Variants in EEPD1 observed in about 807,000 individuals in gnomAD.
EEPD1 encodes endonuclease/exonuclease/phosphatase family domain-containing protein 1.
EEPD1 carries 17 observed loss-of-function variants against 46.3 expected under a neutral mutation model. The ratio of observed to expected loss-of-function variants is 0.37; its 90% confidence interval spans 0.25 to 0.55. EEPD1 has a LOEUF of 0.55. EEPD1 is among the 20% of genes least tolerant of loss of function. The pLI is 0.83. For missense variants in EEPD1, 673 were observed against 745.6 expected (o/e 0.90, Z 1.13); for synonymous variants, 313 against 315.6 (o/e 0.99, Z 0.09).
At chr7:36,211,650 C>T (rs1270964688) in intron 2 of EEPD1, among the ~76,000 whole-genome samples, 1 of 152,126 alleles carries the variant, frequency 6.6e-6, no homozygotes, top group Non-Finnish European at 1.5e-5. Flanking sequence ...TGTGGCTGGG[C>T]GTGGTGGCTC....
intron 2 of EEPD1, among the ~76,000 whole-genome samples, chr7:36,210,680 C>A (rs1321834654): frequency 6.6e-6 from 1 of 150,436 alleles, no homozygotes; most frequent in Admixed American, 6.6e-5. Context: ...CCTTCCCTCT[C>A]CTCCTAGAAA....
At chr7:36,273,073 G>T (rs1296783536) in intron 3 of EEPD1, among the ~76,000 whole-genome samples, 8 of 152,006 alleles carry the variant, frequency 5.3e-5, no homozygotes, top group Admixed American at 5.2e-4. Flanking sequence ...CCTCAGCAGG[G>T]TGGTGACTGT....
At chr7:36,197,772 A>AGGT (rs1785634811) in intron 2 of EEPD1, among the ~76,000 whole-genome samples, 5 of 151,802 alleles carry the variant, frequency 3.3e-5, no homozygotes, top group Middle Eastern at 3.4e-3. Flanking sequence ...GGACACAAAC[A>AGGT]CTCTGCCTAG....
intron 3 of EEPD1, among the ~76,000 whole-genome samples, chr7:36,263,172 A>G (rs9655369): frequency 0.096 from 14,612 of 152,066 alleles, 1,006 homozygotes; most frequent in East Asian, 0.37. Flanking sequence ...TTTATACAAA[A>G]TATACAAAAA....
chr7:36,292,601 G>A (rs1355504688), intron 6 of EEPD1, among the ~76,000 whole-genome samples: 1 of 151,922 alleles, frequency 6.6e-6, no homozygotes, highest in Non-Finnish European at 1.5e-5. Flanking sequence ...TCTGTCTCCC[G>A]GGTTCAAGCG....
chr7:36,274,746 G>A (rs1204664777), intron 3 of EEPD1, among the ~76,000 whole-genome samples: 2 of 152,092 alleles, frequency 1.3e-5, no homozygotes, highest in East Asian at 3.9e-4. Flanking sequence ...CTCAGTTGCA[G>A]CCCCCGTGTG....
chr7:36,197,214 G>A (rs1179151164), intron 2 of EEPD1, among the ~76,000 whole-genome samples: 9 of 150,534 alleles, frequency 6.0e-5, no homozygotes, highest in Admixed American at 1.3e-4. Flanking sequence ...GTCTCCGCCC[G>A]GCAGCCACCC....
In EEPD1 at chr7:36,275,464, TG is replaced by T. The variant is rs547334735; in HGVS notation, c.931-5650del. ...ATTATTATTTTTATTTATTTATTTT[TG>T]AGACAGAATATCACTCTGTCACCCA... On this transcript the variant is annotated intron_variant, in intron 3 of 7. Coordinates refer to ENST00000242108, the MANE Select transcript of EEPD1 (RefSeq NM_030636.3). 4.3e-4 allele frequency among the ~76,000 whole-genome samples: 65 copies of T among 152,260 alleles called. 1 individual carries two copies. The highest frequency in any genetic ancestry group is 1.3e-3 in the African/African-American group (56 of 41,540).
chr7:36,155,987 G>C (rs73688713), intron 2 of EEPD1, among the ~76,000 whole-genome samples: 2,351 of 152,296 alleles, frequency 0.015, 71 homozygotes, highest in African/African-American at 0.054. Flanking sequence ...AGTAACTCCT[G>C]CTGTTAGTAA....
intron 2 of EEPD1, among the ~76,000 whole-genome samples, chr7:36,223,287 G>GGGCT (rs1434728257): frequency 6.6e-6 from 1 of 152,146 alleles, no homozygotes; most frequent in Non-Finnish European, 1.5e-5. Flanking sequence ...TGGTGTGCAA[G>GGGCT]GGCTCTTGGG....
intron 2 of EEPD1, among the ~76,000 whole-genome samples, chr7:36,220,322 G>T (rs1008048087): frequency 2.0e-5 from 3 of 152,156 alleles, no homozygotes; most frequent in African/African-American, 7.2e-5. Flanking sequence ...AACTTAAGGG[G>T]GAAGGGAAAG....
intron 6 of EEPD1, among the ~76,000 whole-genome samples, chr7:36,296,247 G>T (rs1427372990): frequency 6.6e-6 from 1 of 152,030 alleles, no homozygotes; most frequent in Non-Finnish European, 1.5e-5. Context: ...CCCTCAAGCA[G>T]ACAGAGTACA....
intron 2 of EEPD1, among the ~76,000 whole-genome samples, chr7:36,211,527 A>T (rs1053906565): frequency 6.6e-6 from 1 of 152,204 alleles, no homozygotes; most frequent in African/African-American, 2.4e-5. Flanking sequence ...AAGAAAATAT[A>T]TGAGGGTATC....
At chr7:36,249,485 T>C (rs555385689) in intron 3 of EEPD1, among the ~76,000 whole-genome samples, 2 of 151,988 alleles carry the variant, frequency 1.3e-5, no homozygotes, top group Non-Finnish European at 2.9e-5. Flanking sequence ...TTTATAACTA[T>C]GAATAAGTGG....
In EEPD1 at chr7:36,165,411, C is replaced by CTTTTTT. The variant is rs56236165; in HGVS notation, c.878+10232_878+10237dup. ...ATGAAATCGCCTAATGATCCATTTC[C>CTTTTTT]TTTTTTTTTTTTTTTTTTTTTTTTT... On this transcript the variant is annotated intron_variant, in intron 2 of 7. Coordinates refer to ENST00000242108, the MANE Select transcript of EEPD1 (RefSeq NM_030636.3). Among the ~76,000 whole-genome samples, 315 of 62,100 alleles carry CTTTTTT rather than the reference C, an allele frequency of 5.1e-3. 64 individuals are homozygous for CTTTTTT. The highest frequency in any genetic ancestry group is 0.02 in the African/African-American group (276 of 14,096). The allele number at this position is 62,100 out of a possible 152,430, so 40.7% of individuals were successfully genotyped here. A position where few individuals can be genotyped will look rare whatever the true frequency, so the allele number is the denominator to read the frequency against.
chr7:36,240,658 G>T (rs1395391100), intron 3 of EEPD1, among the ~76,000 whole-genome samples: 3 of 152,322 alleles, frequency 2.0e-5, no homozygotes, highest in Non-Finnish European at 4.4e-5. Flanking sequence ...TGAGATGAAG[G>T]TATTGTATTA....
intron 2 of EEPD1, among the ~76,000 whole-genome samples, chr7:36,183,154 T>C (rs914052733): frequency 1.3e-5 from 2 of 152,180 alleles, no homozygotes; most frequent in African/African-American, 2.4e-5. Flanking sequence ...CCCACCAACT[T>C]TGAGCAGCTG....
chr7:36,270,152 G>T (rs906881080), intron 3 of EEPD1, among the ~76,000 whole-genome samples: 20 of 152,060 alleles, frequency 1.3e-4, no homozygotes, highest in Non-Finnish European at 2.5e-4. Context: ...AAGATATATT[G>T]ATAAAATGCA....
At chr7:36,293,296 A>G (rs1410716004) in intron 6 of EEPD1, among the ~76,000 whole-genome samples, 1 of 152,212 alleles carries the variant, frequency 6.6e-6, no homozygotes, top group Non-Finnish European at 1.5e-5. Flanking sequence ...GAGACGTGTT[A>G]ACAGTTCGAG....
Sources: gnomAD v4.1 joint callset for allele counts (sites outside exome capture counted in the v4.1 genomes callset) on GRCh38, gnomAD v4.1.1 for gene constraint, MANE v1.5 for transcripts, NCBI Gene and HGNC (gene_info 2026-07-23, HGNC 2026-07-21) for gene names.